Variants in OVCH2 observed in about 807,000 individuals in gnomAD.
OVCH2 encodes ovochymase 2.
OVCH2 carries 88 observed loss-of-function variants against 73.7 expected under a neutral mutation model. The observed-to-expected ratio is 1.19, with a 90% confidence interval of 1.01 to 1.43. OVCH2 has a LOEUF of 1.43. OVCH2 is among the 40% of genes most tolerant of loss of function. OVCH2 has a pLI of 0.00. For missense variants in OVCH2, 706 were observed against 674.5 expected, an observed-to-expected ratio of 1.05 and a Z score of -0.52; for synonymous variants, 265 against 234.5, an observed-to-expected ratio of 1.13 and a Z score of -1.19.
At chr11:7,691,221 C>G in intron 14 of OVCH2, 48 bp downstream of exon 14, 2 of 1,553,912 alleles carry the variant, frequency 1.3e-6, no homozygotes, top group African/African-American at 1.4e-5. Flanking sequence ...ATTCACATCA[C>G]AAGGATTAGA....
chr11:7,698,908 A>G, intron 7 of OVCH2, 135 bp from the exon 8 acceptor site: 2 of 767,550 alleles, frequency 2.6e-6, no homozygotes, highest in Non-Finnish European at 4.2e-6. Flanking sequence ...CTGTGGAAAG[A>G]AGGGAAGGGA....
At chr11:7,688,673 TAAATC>T (rs1412712125), downstream of OVCH2, among the ~76,000 whole-genome samples, 4 of 143,978 alleles carry the variant, frequency 2.8e-5, no homozygotes, top group East Asian at 8.0e-4. Context: ...TTTCTCCTGA[TAAATC>T]AAAATGGCAA....
intron 7 of OVCH2, chr11:7,700,032 G>T (rs1340777391): frequency 1.8e-5 from 7 of 394,576 alleles, no homozygotes; most frequent in African/African-American, 1.2e-4. Flanking sequence ...ATCATCAACT[G>T]AGATAGTTTC....
Position 7,695,712 on chromosome 11 carries a change from T to C in OVCH2, c.1142-2A>G. 1 of 1,589,264 alleles carries C rather than the reference T, an allele frequency of 6.3e-7. No individual in the cohort carries two copies. Among genetic ancestry groups the C allele is most frequent in the Non-Finnish European group, 8.5e-7 (1 of 1,175,908 alleles). ...GGAGGCTTTCTCCACAAAATTTTCC[T>C]GCAGGATGAGAAAAAAGGATTCTTT... On this transcript the variant is annotated splice_acceptor_variant, in intron 10 of 15. Coordinates refer to ENST00000533663, the MANE Select transcript of OVCH2 (RefSeq NM_198185.7). LOFTEE classifies it high-confidence loss of function.
At chr11:7,698,665 G>T in intron 8 of OVCH2, 85 bp downstream of exon 8, 1 of 1,445,720 alleles carries the variant, frequency 6.9e-7, no homozygotes, top group Non-Finnish European at 9.5e-7. Context: ...AGCGCTCTTG[G>T]AGAGGAAGAC....
the OVCH2 span, among the ~76,000 whole-genome samples, chr11:7,683,440 AC>A: frequency 1.3e-5 from 2 of 152,106 alleles, no homozygotes; most frequent in African/African-American, 4.8e-5. Flanking sequence ...CTGACTTACC[AC>A]TTCCACTGCT....
the OVCH2 span, among the ~76,000 whole-genome samples, chr11:7,682,474 C>A: frequency 1.3e-5 from 2 of 152,356 alleles, no homozygotes; most frequent in South Asian, 4.1e-4. Flanking sequence ...ATGACTGGGT[C>A]ATTGGTATTG....
intron 1 of OVCH2, 163 bp downstream of exon 1, chr11:7,706,144 A>T: frequency 4.5e-6 from 3 of 666,626 alleles, no homozygotes; most frequent in Middle Eastern, 2.9e-4. Flanking sequence ...TCCTATGCCG[A>T]TTGCAGGAGA....
chr11:7,680,122 C>A, the OVCH2 span, among the ~76,000 whole-genome samples: 1 of 152,324 alleles, frequency 6.6e-6, no homozygotes, highest in South Asian at 2.1e-4. Flanking sequence ...AGGAGGGAGT[C>A]ATGGGAACCC....
At chr11:7,687,140 A>G (rs528479874), downstream of OVCH2, among the ~76,000 whole-genome samples, 1 of 152,224 alleles carries the variant, frequency 6.6e-6, no homozygotes, top group Non-Finnish European at 1.5e-5. Flanking sequence ...ACCCCGCAAA[A>G]AAAAAGAATA....
rs1211255036 is a variant in OVCH2 at position 7,691,896 on chromosome 11, A to C, written c.1507+6T>G. The C allele has an allele frequency of 6.4e-7, 1 of 1,558,612 alleles. No homozygotes were observed. Among genetic ancestry groups the C allele is most frequent in the South Asian group, 1.2e-5 (1 of 84,560 alleles). On this transcript the variant is annotated splice_donor_region_variant and intron_variant, in intron 13 of 15. Transcript: ENST00000533663. ...CAGAGCGAGCTGAGGCTCAGAGGAC[A>C]CAAACCTATTTCCTTCTTCCTTTCT...
chr11:7,693,944 G>A (rs1856270583), intron 12 of OVCH2, among the ~76,000 whole-genome samples: 1 of 152,146 alleles, frequency 6.6e-6, no homozygotes, highest in Non-Finnish European at 1.5e-5. Context: ...GTATCCAAAT[G>A]ATTGGTCACA....
At chr11:7,695,235 G>C in intron 11 of OVCH2, 47 bp from the exon 12 acceptor site, 1 of 1,513,940 alleles carries the variant, frequency 6.6e-7, no homozygotes, top group Non-Finnish European at 8.8e-7. Context: ...TTCAAATAAA[G>C]AAGAATTCTC....
chr11:7,682,802 T>A, the OVCH2 span, among the ~76,000 whole-genome samples: 7 of 152,330 alleles, frequency 4.6e-5, no homozygotes, highest in East Asian at 1.4e-3. Context: ...CTTATCCCCA[T>A]CTAGGTGCTA....
chr11:7,689,930 C>T lies in OVCH2; in HGVS notation c.*25G>A. 1.3e-6 allele frequency: 2 copies of T among 1,496,418 alleles called. No individual in the cohort carries two copies. The highest frequency in any genetic ancestry group is 9.0e-7 in the Non-Finnish European group (1 of 1,110,948). The allele number at this position is 1,496,418 out of a possible 1,614,324, so 92.7% of individuals were successfully genotyped here. On this transcript the variant is annotated 3_prime_UTR_variant, in exon 15 of 16. Transcript: ENST00000533663. ...GGTCCCCAAAACAGCTTACCAGAAA[C>T]ATTGGTTTCTCCATTTGGCACATCT...
At position 7,702,321 on chromosome 11, in the gene OVCH2, A is replaced by G; in HGVS notation, c.299T>C (p.Val100Ala). 6.3e-7 allele frequency: 1 copy of G among 1,589,386 alleles called. No homozygotes were observed. The highest frequency in any genetic ancestry group is 1.2e-5 in the South Asian group (1 of 86,322). Reference protein sequence around the residue: ...AAHCIANRNIVSTLNVTAGEY... With the variant: ...AAHCIANRNIASTLNVTAGEY... ...TCCAGCAGTAACATTCAAAGTAGAC[A>G]CAATGTTTCTATGGAAAGCAAAGAG... Residue 100 changes from valine to alanine, a missense_variant, in exon 4 of 16, where the codon GTG becomes GCG. Val to Ala is a moderately conservative substitution (Grantham distance 64). Coordinates refer to ENST00000533663, the MANE Select transcript of OVCH2 (RefSeq NM_198185.7).
At chr11:7,694,857 A>T (rs1390502883) in intron 12 of OVCH2, among the ~76,000 whole-genome samples, 2 of 145,494 alleles carry the variant, frequency 1.4e-5, no homozygotes, top group Non-Finnish European at 3.0e-5. Context: ...ATCTAGTGGA[A>T]AAAATGTGTA....
intron 6 of OVCH2, 46 bp from the exon 7 acceptor site, chr11:7,700,531 G>A: frequency 6.5e-7 from 1 of 1,536,472 alleles, no homozygotes; most frequent in Non-Finnish European, 8.8e-7. Flanking sequence ...CAGTGTCTAT[G>A]CCCCAAAATG....
chr11:7,702,156 C>G lies in OVCH2; in HGVS notation c.463+1G>C. The G allele has an allele frequency of 6.2e-7, 1 of 1,604,456 alleles. No homozygotes were observed. Among genetic ancestry groups the G allele is most frequent in the Non-Finnish European group, 8.5e-7 (1 of 1,173,104 alleles). ...ATTCAGTATGATCCTCAAATGTTTA[C>G]CAAATTGGAAGGCTCCAGCCATCTT... On this transcript the variant is annotated splice_donor_variant, in intron 4 of 15. Coordinates refer to ENST00000533663, the MANE Select transcript of OVCH2 (RefSeq NM_198185.7). LOFTEE classifies it high-confidence loss of function.
Sources: allele counts gnomAD v4.1 joint callset (sites outside exome capture counted in the v4.1 genomes callset), GRCh38; gene constraint gnomAD v4.1.1; transcripts MANE v1.5; gene names NCBI Gene and HGNC (gene_info 2026-07-23, HGNC 2026-07-21).